COL11A2: variants seen among roughly 807,000 people sequenced by gnomAD.
COL11A2 encodes collagen type XI alpha 2 chain.
In COL11A2, 116 loss-of-function variants were observed where a neutral mutation model predicts 273.4. That is an observed-to-expected ratio of 0.42 (90% confidence interval 0.36 to 0.49). The LOEUF is 0.49. COL11A2 is among the 20% of genes least tolerant of loss of function. The probability of loss-of-function intolerance (pLI) is 0.00; values close to 1 mark genes in which losing one functional copy is unlikely to be tolerated. For missense variants in COL11A2, 1,866 were observed against 2,309.0 expected (o/e 0.81, Z 3.93); for synonymous variants, 782 against 864.2 (o/e 0.90, Z 1.67).
chr6:33,188,877 C>G, intron 3 of COL11A2, 101 bp downstream of exon 3: 1 of 1,374,302 alleles, frequency 7.3e-7, no homozygotes, highest in South Asian at 1.2e-5. Flanking sequence ...GTGGTGTGGC[C>G]CAAAGGGTCT....
At position 33,167,524 on chromosome 6, in the gene COL11A2, C is replaced by G; in HGVS notation, c.4024G>C (p.Gly1342Arg). The change falls in exon 56 of 66, where the codon GGC (glycine) becomes CGC (arginine). Residue 1342 changes from glycine (G) to arginine (R), a missense_variant. Gly to Arg is a moderately radical substitution (Grantham distance 125). Coordinates refer to ENST00000341947, the MANE Select transcript of COL11A2 (RefSeq NM_080680.3). The surrounding 1 kb of genome is among the most constrained non-coding windows in gnomAD (Gnocchi z 6.1). ...QGGKGAKGDP[G>R]AIGAPGKTGP... Reference sequence around the variant, plus strand: ...GTCTTCCCCGGGGCACCTATAGCGCCAGGATCTCCCTGAAACACACACAAG... The same window carrying G: ...GTCTTCCCCGGGGCACCTATAGCGCGAGGATCTCCCTGAAACACACACAAG... 6.2e-7 allele frequency: 1 copy of G among 1,612,820 alleles called. No individual in the cohort carries two copies. Among genetic ancestry groups the G allele is most frequent in the Middle Eastern group, 1.6e-4 (1 of 6,062 alleles).
rs1232474224 is a variant in COL11A2, at chr6:33,164,199, G to A, written c.5070+68C>T. The A allele has an allele frequency of 6.4e-7, 1 of 1,573,610 alleles. No individual in the cohort carries two copies. The highest frequency in any genetic ancestry group is 8.7e-7 in the Non-Finnish European group (1 of 1,154,050). ...TCCCCCTGGGTGCCCTGCCCAAGGGGTCTTCCCACCTCCTTCCTCCAGCCT... is the reference window on the plus strand; with the variant it reads ...TCCCCCTGGGTGCCCTGCCCAAGGGATCTTCCCACCTCCTTCCTCCAGCCT... On this transcript the variant is annotated intron_variant, in intron 65 of 65. Coordinates refer to ENST00000341947, the MANE Select transcript of COL11A2 (RefSeq NM_080680.3). This position sits in a 1 kb window ranked among gnomAD's most constrained non-coding sequence, Gnocchi z 4.7.
In COL11A2 at chr6:33,178,054, C is replaced by A. The variant is rs1321684992; in HGVS notation, c.1872+78G>T. Reference sequence around the variant, plus strand: ...AAGCATGCCGAGAGAGGAGAGGGAGCAGGAAGGCAGCTAGAAAGGTGGAGA... The same window carrying A: ...AAGCATGCCGAGAGAGGAGAGGGAGAAGGAAGGCAGCTAGAAAGGTGGAGA... On this transcript the variant is annotated intron_variant, in intron 21 of 65. Coordinates refer to ENST00000341947, the MANE Select transcript of COL11A2 (RefSeq NM_080680.3). This position sits in a 1 kb window ranked among gnomAD's most constrained non-coding sequence, Gnocchi z 4.6. The A allele has an allele frequency of 8.5e-6, 12 of 1,413,894 alleles. No individual in the cohort carries two copies. In the South Asian group the frequency reaches 1.5e-4, roughly 18 times the overall value. 87.6% of individuals were successfully genotyped at this position (1,413,894 alleles called of 1,614,324 possible).
In COL11A2 at chr6:33,186,654, C is replaced by A; in HGVS notation, c.771G>T (p.Arg257Ser). 1 of 1,614,074 alleles carries A rather than the reference C, an allele frequency of 6.2e-7. No individual in the cohort carries two copies. Among genetic ancestry groups the A allele is most frequent in the Non-Finnish European group, 8.5e-7 (1 of 1,180,026 alleles). Residue 257 changes from arginine (R) to serine (S), a missense_variant, in exon 5 of 66, where the codon AGG becomes AGT. Arg to Ser is a moderately radical substitution (Grantham distance 110). Coordinates refer to ENST00000341947, the MANE Select transcript of COL11A2 (RefSeq NM_080680.3). The stretch of plus-strand genomic sequence containing the variant: ...GGCTCTGGGGTTCCTGATTTTGTGG[C>A]CTGTGAAGTCTTGATGGTTGCTGCT... The part of the protein sequence containing the change: ...SPQQQPSRLH[R>S]PQNQEPQSQP...
intron 1 of COL11A2, 30 bp downstream of exon 1, chr6:33,192,129 C>T (rs1773190976): frequency 1.3e-6 from 2 of 1,546,584 alleles, no homozygotes; most frequent in Non-Finnish European, 8.7e-7. Context: ...AGCCTGACTC[C>T]GAGGACCCAG....
At chr6:33,171,010 C>T (rs1769966763) in intron 45 of COL11A2, 93 bp from the exon 46 acceptor site, 1 of 1,579,348 alleles carries the variant, frequency 6.3e-7, no homozygotes, top group Non-Finnish European at 8.7e-7. Context: ...AGCTGGGTGC[C>T]AGGCCCAGAG....
In COL11A2 at chr6:33,173,283, A is replaced by G; in HGVS notation, c.2736+65T>C. 1 of 1,596,850 alleles carries G rather than the reference A, an allele frequency of 6.3e-7. No homozygotes were observed. The highest frequency in any genetic ancestry group is 8.5e-7 in the Non-Finnish European group (1 of 1,170,014). ...GAGAACGTCCCTGTGGGCTTTCCAG[A>G]CAGCTCTGGGGTTAAAGGGTCTGAT... On this transcript the variant is annotated intron_variant, in intron 37 of 65. Transcript: ENST00000341947. The surrounding 1 kb of genome is among the most constrained non-coding windows in gnomAD (Gnocchi z 6.3).
chr6:33,170,121 GGT>G lies in COL11A2; in HGVS notation c.3583-23_3583-22del. The G allele has an allele frequency of 6.2e-7, 1 of 1,612,984 alleles. No individual in the cohort carries two copies. Among genetic ancestry groups the G allele is most frequent in the East Asian group, 2.2e-5 (1 of 44,878 alleles). Reference sequence around the variant, plus strand: ...GGGCCCTGGAAGAGGAACAGAAATAGGTGTCATTGCTTAGGATGGAGGTGCCA... The same window carrying G: ...GGGCCCTGGAAGAGGAACAGAAATAGGTCATTGCTTAGGATGGAGGTGCCA... On this transcript the variant is annotated intron_variant, in intron 48 of 65. Transcript: ENST00000341947. This position sits in a 1 kb window ranked among gnomAD's most constrained non-coding sequence, Gnocchi z 4.3.
chr6:33,171,333 A>G lies in COL11A2; in HGVS notation c.3259-9T>C. On this transcript the variant is annotated splice_polypyrimidine_tract_variant and intron_variant, in intron 43 of 65. Transcript: ENST00000341947. ...GGGTCCCCCACCTCACCCTGGGAGGAGAAGGCAGACAAGATATTAGAGAAA... is the reference window on the plus strand; with the variant it reads ...GGGTCCCCCACCTCACCCTGGGAGGGGAAGGCAGACAAGATATTAGAGAAA... The G allele has an allele frequency of 6.2e-7, 1 of 1,614,024 alleles. No homozygotes were observed. Among genetic ancestry groups the G allele is most frequent in the Non-Finnish European group, 8.5e-7 (1 of 1,179,972 alleles).
intron 7 of COL11A2, 45 bp from the exon 8 acceptor site, chr6:33,184,369 G>A (rs893343902): frequency 1.3e-5 from 17 of 1,305,920 alleles, no homozygotes; most frequent in Non-Finnish European, 1.5e-5. Flanking sequence ...GGATGTTAGG[G>A]CTGAGAGGAG....
chr6:33,178,918 A>G lies in COL11A2; in HGVS notation c.1665+2T>C. 6.2e-7 allele frequency: 1 copy of G among 1,613,846 alleles called. No homozygotes were observed. The highest frequency in any genetic ancestry group is 8.5e-7 in the Non-Finnish European group (1 of 1,179,932). On this transcript the variant is annotated splice_donor_variant, in intron 17 of 65. Transcript: ENST00000341947. LOFTEE classifies it high-confidence loss of function. This position sits in a 1 kb window ranked among gnomAD's most constrained non-coding sequence, Gnocchi z 4.6. ...CTTCAGGGAGGGGCCCAAGCCTGTT[A>G]CCTTCACTCCAGGATCTCCAGGCAT...
At chr6:33,171,396 C>CCA in intron 43 of COL11A2, 71 bp downstream of exon 43, 1 of 1,606,884 alleles carries the variant, frequency 6.2e-7, no homozygotes, top group African/African-American at 1.3e-5. Flanking sequence ...ATGACAGGGG[C>CCA]CAGGGGTCAT....
Position 33,170,458 on chromosome 6 carries a change from C to A in COL11A2, c.3529-79G>T. The A allele has an allele frequency of 6.4e-7, 1 of 1,571,888 alleles. No individual in the cohort carries two copies. Among genetic ancestry groups the A allele is most frequent in the Non-Finnish European group, 8.7e-7 (1 of 1,147,408 alleles). On this transcript the variant is annotated intron_variant, in intron 47 of 65. Transcript: ENST00000341947. The surrounding 1 kb of genome is among the most constrained non-coding windows in gnomAD (Gnocchi z 4.3). ...TGAATGGTGGAGAGAGGAGGAGGAG[C>A]AGCCAGGCCAGGGAGTTGGCAGTGG...
intron 52 of COL11A2, 27 bp downstream of exon 52, chr6:33,168,928 C>T (rs748146276): frequency 6.4e-7 from 1 of 1,566,626 alleles, no homozygotes; most frequent in Non-Finnish European, 8.7e-7. Context: ...CCCTTTTTGC[C>T]CCTTCCCTTC....
Position 33,166,293 on chromosome 6 carries a change from A to C in COL11A2, c.4393-87T>G. ...CGGGGAGGCAAGGTCCCAAGTCCAC[A>C]GGAGCCTCGGGTTACTACAGGAGGG... On this transcript the variant is annotated intron_variant, in intron 60 of 65. Transcript: ENST00000341947. The surrounding 1 kb of genome is among the most constrained non-coding windows in gnomAD (Gnocchi z 4.8). The C allele has an allele frequency of 2.6e-6, 4 of 1,510,648 alleles. No individual in the cohort carries two copies. The highest frequency in any genetic ancestry group is 1.4e-5 in the African/African-American group (1 of 72,896). The allele number at this position is 1,510,648 out of a possible 1,614,324, so 93.6% of individuals were successfully genotyped here.
At chr6:33,192,559 G>A, upstream of COL11A2, 2 of 494,156 alleles carry the variant, frequency 4.0e-6, no homozygotes, top group Non-Finnish European at 7.2e-6. Flanking sequence ...GCCACCGAAG[G>A]GAAACCCCAC....
chr6:33,188,657 G>C, intron 3 of COL11A2, 133 bp from the exon 4 acceptor site: 1 of 1,033,534 alleles, frequency 9.7e-7, no homozygotes, highest in South Asian at 1.3e-5. Context: ...ACCATTTATT[G>C]AGTGTTTACA....
At chr6:33,191,169 C>CT (rs1324801786) in intron 1 of COL11A2, among the ~76,000 whole-genome samples, 1 of 152,216 alleles carries the variant, frequency 6.6e-6, no homozygotes, top group Non-Finnish European at 1.5e-5. Context: ...CTCCTAGAGT[C>CT]TACAGGCACC....
chr6:33,183,732 G>A (rs1772004274), intron 8 of COL11A2, among the ~76,000 whole-genome samples: 1 of 152,166 alleles, frequency 6.6e-6, no homozygotes, highest in Non-Finnish European at 1.5e-5. Flanking sequence ...TAGGAAGTTA[G>A]ATCGTTTGGT....
Sources: gnomAD v4.1 joint callset for allele counts (sites outside exome capture counted in the v4.1 genomes callset) on GRCh38, gnomAD v4.1.1 for gene constraint, Gnocchi (gnomAD v3.1) non-coding constraint, MANE v1.5 for transcripts, NCBI Gene and HGNC (gene_info 2026-07-23, HGNC 2026-07-21) for gene names.